The following ZMYND8 variants were observed in gnomAD, a reference collection of about 807,000 sequenced individuals.
ZMYND8 encodes MYND-type zinc finger-containing chromatin reader ZMYND8.
Under a neutral mutation model 140.8 loss-of-function variants are expected in ZMYND8, and 37 were observed. The ratio of observed to expected loss-of-function variants is 0.26; its 90% CI spans 0.20 to 0.35. The LOEUF (loss-of-function observed/expected upper bound fraction) is 0.35, where lower values mean the gene tolerates loss of function less well. Among genes scored for constraint, ZMYND8 ranks in the 10% least tolerant of loss-of-function variants. The pLI is 1.00. For synonymous variants in ZMYND8, 592 were observed against 597.1 expected (o/e 0.99, Z 0.12); for missense variants, 1,068 against 1,570.0 (o/e 0.68, Z 5.40).
chr20:47,286,410 C>T (rs1192835335), intron 8 of ZMYND8, among the ~76,000 whole-genome samples: 1 of 152,088 alleles, frequency 6.6e-6, no homozygotes, highest in Non-Finnish European at 1.5e-5. Flanking sequence ...AACTCCTGGA[C>T]TCAAGTGATC....
chr20:47,305,096 T>C (rs948575488), intron 3 of ZMYND8, among the ~76,000 whole-genome samples: 7 of 150,928 alleles, frequency 4.6e-5, no homozygotes, highest in Non-Finnish European at 1.0e-4. Context: ...AAAAAAAAAT[T>C]AGCCAGGCAT....
In ZMYND8 at chr20:47,288,392, CT is replaced by C. The variant is rs11411701; in HGVS notation, c.749-1109del. On this transcript the variant is annotated intron_variant, in intron 7 of 22. Coordinates refer to ENST00000471951, the MANE Select transcript of ZMYND8 (RefSeq NM_001281775.3). ...TGAGTTTATAATCTTTACACCAATT[CT>C]TTTTTTTTTTTTTTTTTGAGATGGA... 6.4e-3 allele frequency among the ~76,000 whole-genome samples: 788 copies of C among 123,256 alleles called. 6 individuals are homozygous for C. The highest frequency in any genetic ancestry group is 0.047 in the South Asian group (185 of 3,976). The allele number at this position is 123,256 out of a possible 152,430, so 80.9% of individuals were successfully genotyped here. A position where few individuals can be genotyped will look rare whatever the true frequency, so the allele number is the denominator to read the frequency against.
intron 2 of ZMYND8, among the ~76,000 whole-genome samples, chr20:47,329,497 C>A (rs1034279781): frequency 6.6e-6 from 1 of 152,222 alleles, no homozygotes; most frequent in Admixed American, 6.5e-5. Flanking sequence ...CTCCTCCTCC[C>A]GAGTTCAAGC....
intron 2 of ZMYND8, among the ~76,000 whole-genome samples, chr20:47,316,330 CAAAA>C (rs796788882): frequency 1.1e-5 from 1 of 93,102 alleles, no homozygotes. Flanking sequence ...GACTTTGTCT[CAAAA>C]AAAAAAAAAA....
chr20:47,307,426 C>T (rs1346597162), intron 3 of ZMYND8, among the ~76,000 whole-genome samples: 1 of 151,870 alleles, frequency 6.6e-6, no homozygotes, highest in Non-Finnish European at 1.5e-5. Context: ...CCACTGCACT[C>T]CAGCCTGGGC....
At chr20:47,268,091 A>G (rs1368842999) in intron 11 of ZMYND8, among the ~76,000 whole-genome samples, 1 of 152,164 alleles carries the variant, frequency 6.6e-6, no homozygotes, top group Non-Finnish European at 1.5e-5. Context: ...TCACTGAATG[A>G]GCAGTGCATA....
At chr20:47,324,243 G>C (rs1386206937) in intron 2 of ZMYND8, among the ~76,000 whole-genome samples, 1 of 148,978 alleles carries the variant, frequency 6.7e-6, no homozygotes, top group African/African-American at 2.5e-5. Context: ...TTTACCGGTC[G>C]TGGTGTCTCA....
intron 2 of ZMYND8, among the ~76,000 whole-genome samples, chr20:47,345,542 C>G (rs1320797070): frequency 6.7e-6 from 1 of 149,134 alleles, no homozygotes; most frequent in Non-Finnish European, 1.5e-5. Flanking sequence ...GAGTCTCGCT[C>G]TGTCCCCTAG....
chr20:47,240,626 C>G (rs920658435), intron 14 of ZMYND8, among the ~76,000 whole-genome samples: 26 of 151,814 alleles, frequency 1.7e-4, no homozygotes, highest in Non-Finnish European at 5.9e-5. Flanking sequence ...ACAAACTTGG[C>G]TCACTGCAAC....
chr20:47,247,641 A>G (rs891613140), intron 13 of ZMYND8, among the ~76,000 whole-genome samples: 2 of 152,174 alleles, frequency 1.3e-5, no homozygotes, highest in Non-Finnish European at 2.9e-5. Context: ...AGAAAACCCA[A>G]TCAAGTCTGT....
chr20:47,355,381 C>T, intron 1 of ZMYND8: 1 of 952,314 alleles, frequency 1.1e-6, no homozygotes, highest in Non-Finnish European at 1.3e-6. Flanking sequence ...CCCACTATTA[C>T]AAACAGACCC....
At chr20:47,226,858 C>T (rs2037783399) in intron 18 of ZMYND8, among the ~76,000 whole-genome samples, 3 of 152,076 alleles carry the variant, frequency 2.0e-5, no homozygotes, top group African/African-American at 7.2e-5. Flanking sequence ...GATAGGGTTT[C>T]GCCAGATTAC....
At chr20:47,225,782 T>C (rs1417255283) in intron 18 of ZMYND8, among the ~76,000 whole-genome samples, 1 of 151,802 alleles carries the variant, frequency 6.6e-6, no homozygotes, top group East Asian at 1.9e-4. Flanking sequence ...CCACAGGTAA[T>C]TTTTTCAAAT....
chr20:47,290,079 C>A (rs768398326), intron 7 of ZMYND8, 108 bp downstream of exon 7: 2 of 1,052,768 alleles, frequency 1.9e-6, no homozygotes, highest in East Asian at 2.6e-5. Flanking sequence ...ACAATCTATA[C>A]GCAAGTATTC....
rs181393560 is a variant in ZMYND8, at chr20:47,301,046, C to G, written c.235-2099G>C. Among the ~76,000 whole-genome samples, 676 of 152,012 alleles carry G rather than the reference C, an allele frequency of 4.4e-3. 4 individuals are homozygous for G. The highest frequency in any genetic ancestry group is 0.016 in the African/African-American group (651 of 41,450). On this transcript the variant is annotated intron_variant, in intron 3 of 22. Transcript: ENST00000471951. ...TATTTCCACAATCCTTGATGAAGAG[C>G]CTTGTAGATGCTTGCTTAGTAGACC...
chr20:47,287,765 AG>A (rs1340479736), intron 7 of ZMYND8, among the ~76,000 whole-genome samples: 2 of 152,030 alleles, frequency 1.3e-5, no homozygotes, highest in Non-Finnish European at 2.9e-5. Context: ...GCTGAGGCAG[AG>A]GGATCACTTG....
At chr20:47,295,388 G>A (rs545042302) in intron 4 of ZMYND8, among the ~76,000 whole-genome samples, 1 of 152,314 alleles carries the variant, frequency 6.6e-6, no homozygotes, top group African/African-American at 2.4e-5. Flanking sequence ...GCGAGACCCT[G>A]TCTCAAAAAT....
intron 14 of ZMYND8, among the ~76,000 whole-genome samples, chr20:47,240,843 C>T (rs1048205909): frequency 3.3e-5 from 5 of 151,740 alleles, no homozygotes; most frequent in Non-Finnish European, 7.4e-5. Context: ...CGTGAGCCAA[C>T]GTGCCCGGCC....
At chr20:47,348,690 C>T (rs1040146615) in intron 1 of ZMYND8, 2 of 152,208 alleles carry the variant, frequency 1.3e-5, no homozygotes, top group African/African-American at 2.4e-5. Flanking sequence ...AAGCAAGCCC[C>T]TTTGCTGGGA....
Sources: allele counts gnomAD v4.1 joint callset (sites outside exome capture counted in the v4.1 genomes callset), GRCh38; gene constraint gnomAD v4.1.1; transcripts MANE v1.5; gene names NCBI Gene and HGNC (gene_info 2026-07-23, HGNC 2026-07-21).